The following ERC2 variants were observed in gnomAD, a reference collection of about 807,000 sequenced individuals.
ERC2 encodes the protein ERC protein 2.
In ERC2, 42 loss-of-function variants were observed where a neutral mutation model predicts 114.8. That is an observed-to-expected ratio of 0.37 (90% CI 0.29 to 0.47). The LOEUF (loss-of-function observed/expected upper bound fraction) is 0.47, where lower values mean the gene tolerates loss of function less well. Among genes scored for constraint, ERC2 ranks in the 20% least tolerant of loss-of-function variants. ERC2 has a pLI of 0.99. For synonymous variants in ERC2, 454 were observed against 425.5 expected (o/e 1.07, Z -0.82); for missense variants, 939 against 1,150.7 (o/e 0.82, Z 2.66).
intron 17 of ERC2, among the ~76,000 whole-genome samples, chr3:55,639,854 G>A (rs1416545678): frequency 2.6e-5 from 4 of 152,138 alleles, no homozygotes; most frequent in African/African-American, 7.2e-5. Flanking sequence ...CCCCTGTGTT[G>A]CCGATGAGTT....
chr3:56,221,755 T>A (rs556918513), intron 3 of ERC2, among the ~76,000 whole-genome samples: 273 of 151,996 alleles, frequency 1.8e-3, no homozygotes, highest in African/African-American at 6.2e-3. Flanking sequence ...ATACAAAAAA[T>A]TTGCAGAGTG....
chr3:56,157,892 G>A (rs1365715458), intron 4 of ERC2, among the ~76,000 whole-genome samples: 1 of 152,166 alleles, frequency 6.6e-6, no homozygotes, highest in African/African-American at 2.4e-5. Flanking sequence ...CCTGAAAGGG[G>A]AAGTTCACAT....
chr3:56,114,059 G>C (rs577538904), intron 6 of ERC2, among the ~76,000 whole-genome samples: 2 of 152,148 alleles, frequency 1.3e-5, no homozygotes, highest in Non-Finnish European at 2.9e-5. Flanking sequence ...AGGGAGGACA[G>C]GGCAAAACAG....
intron 1 of ERC2, among the ~76,000 whole-genome samples, chr3:56,446,620 T>C (rs2062578506): frequency 8.6e-6 from 1 of 116,004 alleles, no homozygotes; most frequent in Non-Finnish European, 1.8e-5. Flanking sequence ...TCTTTTTTTT[T>C]TTTTCTTTCT....
chr3:55,684,557 TTTCAA>T (rs1259622183), intron 16 of ERC2, among the ~76,000 whole-genome samples: 1 of 152,238 alleles, frequency 6.6e-6, no homozygotes, highest in East Asian at 1.9e-4. Context: ...AGAGGTAAAC[TTTCAA>T]TTCAGTAGAA....
intron 14 of ERC2, among the ~76,000 whole-genome samples, chr3:55,808,775 T>TATAA (rs1347045820): frequency 4.3e-5 from 6 of 140,956 alleles, no homozygotes; most frequent in African/African-American, 1.3e-4. Context: ...TATATATATA[T>TATAA]AATTGTGAGA....
chr3:55,613,982 CAAAAAAAAAA>C (rs60242810), intron 17 of ERC2, among the ~76,000 whole-genome samples: 17 of 62,278 alleles, frequency 2.7e-4, no homozygotes, highest in South Asian at 1.8e-3. Flanking sequence ...GACTTCCTCT[CAAAAAAAAAA>C]AAAAAAAAAA....
At chr3:55,632,344 A>T (rs2059790256) in intron 17 of ERC2, among the ~76,000 whole-genome samples, 2 of 152,240 alleles carry the variant, frequency 1.3e-5, no homozygotes, top group Admixed American at 1.3e-4. Flanking sequence ...GGAGAAGAGA[A>T]GCAAGGAGGC....
intron 6 of ERC2, among the ~76,000 whole-genome samples, chr3:56,082,142 T>C (rs1416750023): frequency 6.6e-6 from 1 of 152,180 alleles, no homozygotes; most frequent in Non-Finnish European, 1.5e-5. Context: ...CAGATACTAC[T>C]GTTATGGTCT....
At chr3:55,722,610 G>A (rs2064642955) in intron 15 of ERC2, among the ~76,000 whole-genome samples, 2 of 152,184 alleles carry the variant, frequency 1.3e-5, no homozygotes, top group Admixed American at 6.5e-5. Context: ...GTTGGGGCAG[G>A]GAATTGTCTG....
chr3:56,154,203 A>G (rs1483662242), intron 4 of ERC2, among the ~76,000 whole-genome samples: 1 of 152,092 alleles, frequency 6.6e-6, no homozygotes, highest in Non-Finnish European at 1.5e-5. Flanking sequence ...CAAGTTAGAC[A>G]CTCCAGAAAG....
intron 7 of ERC2, among the ~76,000 whole-genome samples, chr3:56,055,700 C>T (rs1014498513): frequency 3.3e-5 from 5 of 152,196 alleles, no homozygotes; most frequent in Middle Eastern, 3.2e-3. Context: ...GCCTATCAGC[C>T]CCATCATTAG....
intron 3 of ERC2, among the ~76,000 whole-genome samples, chr3:56,273,364 C>G (rs531767857): frequency 6.6e-6 from 1 of 151,036 alleles, no homozygotes; most frequent in Non-Finnish European, 1.5e-5. Flanking sequence ...AGCAATCCAC[C>G]CATCACATCT....
At chr3:55,594,244 T>G (rs961417249) in intron 17 of ERC2, among the ~76,000 whole-genome samples, 3 of 152,132 alleles carry the variant, frequency 2.0e-5, no homozygotes, top group African/African-American at 7.2e-5. Context: ...CATCAAAGTG[T>G]GCGGTGTCCT....
At chr3:55,609,674 C>G (rs1185817062) in intron 17 of ERC2, among the ~76,000 whole-genome samples, 4 of 152,072 alleles carry the variant, frequency 2.6e-5, no homozygotes, top group Non-Finnish European at 4.4e-5. Flanking sequence ...GGAATCAATC[C>G]ACTGTGGCTC....
chr3:56,412,180 A>G (rs1486341029), intron 2 of ERC2, among the ~76,000 whole-genome samples: 4 of 152,208 alleles, frequency 2.6e-5, no homozygotes. Flanking sequence ...CAGAGACTAC[A>G]ATGCTGCGTC....
At chr3:55,966,567 C>T (rs1026100570) in intron 12 of ERC2, among the ~76,000 whole-genome samples, 5 of 152,120 alleles carry the variant, frequency 3.3e-5, no homozygotes, top group African/African-American at 1.2e-4. Flanking sequence ...ATAGATATTA[C>T]ATAGACCAGA....
intron 1 of ERC2, among the ~76,000 whole-genome samples, chr3:56,443,028 C>G (rs1328225212): frequency 6.6e-6 from 1 of 152,170 alleles, no homozygotes; most frequent in Non-Finnish European, 1.5e-5. Flanking sequence ...GAATTGACCT[C>G]TAACAGGAAA....
At chr3:56,355,725 C>T (rs1257220030) in intron 2 of ERC2, among the ~76,000 whole-genome samples, 1 of 152,114 alleles carries the variant, frequency 6.6e-6, no homozygotes, top group African/African-American at 2.4e-5. Flanking sequence ...TGTGTATTTC[C>T]ACACCTCTAT....
Sources: allele counts gnomAD v4.1 joint callset (sites outside exome capture counted in the v4.1 genomes callset), GRCh38; gene constraint gnomAD v4.1.1; transcripts MANE v1.5; gene names NCBI Gene and HGNC (gene_info 2026-07-23, HGNC 2026-07-21).